The following PUS10 variants were observed in gnomAD, a reference collection of about 807,000 sequenced individuals.
PUS10 encodes pseudouridine synthase 10, also known as tRNA pseudouridine synthase Pus10.
In PUS10, 59 loss-of-function variants were observed where a neutral mutation model predicts 75.0. That is an observed-to-expected ratio of 0.79 (90% CI 0.64 to 0.98). The LOEUF (loss-of-function observed/expected upper bound fraction) is 0.98. Ranked by LOEUF, PUS10 falls within the 50% of genes least tolerant of loss-of-function variation. PUS10 has a pLI of 0.00. For synonymous variants in PUS10, 219 were observed against 211.6 expected (o/e 1.03, Z -0.30); for missense variants, 650 against 614.4 (o/e 1.06, Z -0.61).
intron 16 of PUS10, among the ~76,000 whole-genome samples, chr2:60,947,602 G>T (rs1009725670): frequency 6.6e-6 from 1 of 152,074 alleles, no homozygotes; most frequent in Non-Finnish European, 1.5e-5. Flanking sequence ...GGCCGAGGTG[G>T]GCGGATCACG....
chr2:60,972,045 T>C (rs1464098581), intron 4 of PUS10, among the ~76,000 whole-genome samples: 1 of 149,756 alleles, frequency 6.7e-6, no homozygotes, highest in Non-Finnish European at 1.5e-5. Context: ...TAACTTGTGT[T>C]TTTAGTAGAG....
chr2:60,977,103 A>G (rs1354418642), intron 4 of PUS10, among the ~76,000 whole-genome samples: 4 of 152,162 alleles, frequency 2.6e-5, no homozygotes, highest in African/African-American at 9.7e-5. Context: ...TACTCTGCTA[A>G]CACTAACACA....
intron 4 of PUS10, among the ~76,000 whole-genome samples, chr2:60,992,665 G>A (rs1278855480): frequency 1.3e-5 from 2 of 152,114 alleles, no homozygotes; most frequent in Non-Finnish European, 2.9e-5. Context: ...GGCTATTTAT[G>A]TTAATACCTT....
chr2:60,968,164 T>C lies in PUS10; in HGVS notation c.504-551A>G, dbSNP rs555617216. ...GCTCATCAATGTATTATCAGATAAA[T>C]AGCTGAATAAAAATTTGACATTCCC... is the stretch of plus-strand genomic sequence containing the variant. On this transcript the variant is annotated intron_variant, in intron 5 of 17. Coordinates refer to ENST00000316752, the MANE Select transcript of PUS10 (RefSeq NM_144709.4). 3.9e-5 allele frequency among the ~76,000 whole-genome samples: 6 copies of C among 152,262 alleles called. No homozygotes were observed. The South Asian group carries it at 8.3e-4, about 21-fold the overall frequency.
chr2:61,004,957 A>T (rs1679108035), intron 4 of PUS10, among the ~76,000 whole-genome samples: 1 of 152,196 alleles, frequency 6.6e-6, no homozygotes, highest in African/African-American at 2.4e-5. Context: ...TTCTATTTTT[A>T]AAAACAGTAT....
intron 4 of PUS10, among the ~76,000 whole-genome samples, chr2:60,987,071 C>T (rs954328437): frequency 6.6e-6 from 1 of 152,198 alleles, no homozygotes; most frequent in Non-Finnish European, 1.5e-5. Context: ...AGGATCTCCT[C>T]AAGCTTTGAT....
At chr2:60,954,229 G>A in intron 12 of PUS10, 71 bp from the exon 13 acceptor site, 1 of 1,452,694 alleles carries the variant, frequency 6.9e-7, no homozygotes, top group South Asian at 1.2e-5. Flanking sequence ...ATGCAAGAGG[G>A]TTAGGAGGTG....
intron 4 of PUS10, among the ~76,000 whole-genome samples, chr2:60,982,556 C>G (rs966199657): frequency 6.6e-6 from 1 of 152,072 alleles, no homozygotes; most frequent in Non-Finnish European, 1.5e-5. Flanking sequence ...AGCCACCATG[C>G]CTGGCCAGAT....
At chr2:60,974,258 C>A (rs973879360) in intron 4 of PUS10, among the ~76,000 whole-genome samples, 2 of 143,350 alleles carry the variant, frequency 1.4e-5, no homozygotes, top group Non-Finnish European at 3.0e-5. Context: ...GCTCTGTCAC[C>A]AGGCTGGAGT....
At chr2:60,988,775 AC>A (rs1198032263) in intron 4 of PUS10, among the ~76,000 whole-genome samples, 1 of 151,114 alleles carries the variant, frequency 6.6e-6, no homozygotes, top group Non-Finnish European at 1.5e-5. Context: ...AGCTGGGATT[AC>A]AAGTGCGCGC....
chr2:60,980,337 C>T (rs1196004718), intron 4 of PUS10, among the ~76,000 whole-genome samples: 1 of 152,228 alleles, frequency 6.6e-6, no homozygotes, highest in Non-Finnish European at 1.5e-5. Context: ...TTCTCTGAAA[C>T]ATTTATAGTG....
chr2:61,002,259 T>C (rs1678902068), intron 4 of PUS10, among the ~76,000 whole-genome samples: 1 of 152,174 alleles, frequency 6.6e-6, no homozygotes. Flanking sequence ...AAAGAAACAG[T>C]TCCAATCTAA....
intron 4 of PUS10, among the ~76,000 whole-genome samples, chr2:60,988,489 T>C (rs1558950850): frequency 2.0e-5 from 3 of 152,212 alleles, no homozygotes; most frequent in Admixed American, 1.3e-4. Flanking sequence ...CACTTTGGTC[T>C]TAGTAATTTG....
intron 1 of PUS10, among the ~76,000 whole-genome samples, chr2:61,015,098 T>C (rs2104766292): frequency 6.6e-6 from 1 of 152,216 alleles, no homozygotes; most frequent in East Asian, 1.9e-4. Context: ...AGGTGACAAC[T>C]TTGAAACACC....
chr2:61,011,988 T>A, intron 1 of PUS10, 83 bp from the exon 2 acceptor site: 1 of 1,095,878 alleles, frequency 9.1e-7, no homozygotes, highest in Non-Finnish European at 1.3e-6. Context: ...GGATAAAAAC[T>A]AGCTTTCATT....
At chr2:60,959,536 G>A (rs555499375) in intron 11 of PUS10, among the ~76,000 whole-genome samples, 2 of 152,188 alleles carry the variant, frequency 1.3e-5, no homozygotes, top group Non-Finnish European at 2.9e-5. Context: ...CTATTGGTGC[G>A]CACCACCATG....
chr2:60,964,832 C>T (rs1442459707), intron 8 of PUS10, among the ~76,000 whole-genome samples: 1 of 152,172 alleles, frequency 6.6e-6, no homozygotes, highest in African/African-American at 2.4e-5. Context: ...ACAATCTAGA[C>T]ACTACACAAA....
chr2:60,982,652 T>G (rs1297553884), intron 4 of PUS10, among the ~76,000 whole-genome samples: 1 of 152,212 alleles, frequency 6.6e-6, no homozygotes, highest in Admixed American at 6.5e-5. Context: ...TAAGTGAATT[T>G]AACAACATTT....
chr2:60,960,619 C>T (rs1238134036), intron 10 of PUS10, 102 bp from the exon 11 acceptor site: 27 of 1,079,372 alleles, frequency 2.5e-5, no homozygotes, highest in Admixed American at 3.0e-5. Context: ...CTAAGTGCTA[C>T]GATATAAAAC....
Sources: gnomAD v4.1 joint callset for allele counts (sites outside exome capture counted in the v4.1 genomes callset) on GRCh38, gnomAD v4.1.1 for gene constraint, MANE v1.5 for transcripts, NCBI Gene and HGNC (gene_info 2026-07-23, HGNC 2026-07-21) for gene names.